Variants in FDFT1 observed in about 807,000 individuals in gnomAD.
FDFT1 encodes the protein squalene synthase.
A neutral mutation model predicts 46.8 loss-of-function variants in FDFT1; 68 were observed. The ratio of observed to expected loss-of-function variants is 1.45; its 90% confidence interval spans 1.19 to 1.78. The LOEUF (loss-of-function observed/expected upper bound fraction) is 1.78. FDFT1 is among the 40% of genes most tolerant of loss of function. The pLI, the probability that FDFT1 is intolerant of heterozygous loss-of-function variation, is 0.00. For synonymous variants in FDFT1, 351 were observed against 185.1 expected, an observed-to-expected ratio of 1.90 and a Z score of -7.28; for missense variants, 928 against 524.4, an observed-to-expected ratio of 1.77 and a Z score of -7.52.
intron 7 of FDFT1, among the ~76,000 whole-genome samples, chr8:11,837,562 G>C (rs892055993): frequency 4.7e-4 from 71 of 152,270 alleles, no homozygotes; most frequent in African/African-American, 1.6e-3. Flanking sequence ...TAGAGAGGGA[G>C]GTGGGCAAGG....
intron 1 of FDFT1, chr8:11,808,545 G>A: frequency 2.2e-6 from 3 of 1,361,112 alleles, no homozygotes; most frequent in Non-Finnish European, 2.8e-6. Context: ...CGGCACCAAG[G>A]CCATGGCCCT....
intron 1 of FDFT1, among the ~76,000 whole-genome samples, chr8:11,804,847 G>T (rs1476190750): frequency 2.0e-5 from 3 of 150,560 alleles, no homozygotes; most frequent in Middle Eastern, 3.2e-3. Context: ...GACCTCAAGT[G>T]ATCTGCTCGC....
upstream of FDFT1, chr8:11,798,099 C>G (rs1386022484): frequency 7.6e-6 from 1 of 132,296 alleles, no homozygotes; most frequent in Non-Finnish European, 1.7e-5. Context: ...TTTTTTGAGA[C>G]GGAGTCTCAC....
intron 3 of FDFT1, 116 bp from the exon 4 acceptor site, chr8:11,821,634 G>T: frequency 4.9e-6 from 6 of 1,228,566 alleles, no homozygotes; most frequent in Non-Finnish European, 7.0e-6. Flanking sequence ...CCTAAATTAG[G>T]CTTATAGATG....
chr8:11,832,137 G>C, intron 7 of FDFT1, among the ~76,000 whole-genome samples: 1 of 152,124 alleles, frequency 6.6e-6, no homozygotes, highest in Non-Finnish European at 1.5e-5. Flanking sequence ...GCCAAGGAAA[G>C]CCATCAAGTT....
At chr8:11,825,484 G>A (rs138193679) in intron 4 of FDFT1, among the ~76,000 whole-genome samples, 20 of 149,192 alleles carry the variant, frequency 1.3e-4, no homozygotes, top group African/African-American at 4.7e-4. Flanking sequence ...AGGTTGCAGT[G>A]AGTTGAGATT....
intron 7 of FDFT1, among the ~76,000 whole-genome samples, chr8:11,835,366 C>G (rs1355442586): frequency 6.6e-6 from 1 of 152,114 alleles, no homozygotes; most frequent in Non-Finnish European, 1.5e-5. Context: ...TAGGTAAGTC[C>G]ACGTCTGAGT....
chr8:11,818,241 T>A (rs1338349274), intron 3 of FDFT1, among the ~76,000 whole-genome samples: 1 of 152,248 alleles, frequency 6.6e-6, no homozygotes, highest in Non-Finnish European at 1.5e-5. Flanking sequence ...TGTTGTAATT[T>A]CTGTTCTTTT....
At chr8:11,801,910 C>G (rs1006362025), upstream of FDFT1, 1 of 451,532 alleles carries the variant, frequency 2.2e-6, no homozygotes, top group Non-Finnish European at 4.4e-6. Flanking sequence ...AGGATGGTCT[C>G]GATCTCTTGA....
At chr8:11,809,546 T>G (rs1807404471) in intron 2 of FDFT1, 121 bp from the exon 3 acceptor site, 1 of 1,303,910 alleles carries the variant, frequency 7.7e-7, no homozygotes, top group Admixed American at 3.2e-5. Flanking sequence ...TTGGATATCC[T>G]TATAGTTCTT....
In FDFT1 at chr8:11,838,693, T is replaced by G. The variant is rs1811912410; in HGVS notation, c.*84T>G. 1 of 1,080,082 alleles carries G rather than the reference T, an allele frequency of 9.3e-7. No homozygotes were observed. The highest frequency in any genetic ancestry group is 1.6e-5 in the African/African-American group (1 of 64,022). 66.9% of individuals were successfully genotyped at this position (1,080,082 alleles called of 1,614,324 possible). ...GGATGGATGTTGTGTTCTCTTTATTTTTTTCCTACTACTTTAATCCCTAAA... is the reference window on the plus strand; with the variant it reads ...GGATGGATGTTGTGTTCTCTTTATTGTTTTCCTACTACTTTAATCCCTAAA... On this transcript the variant is annotated 3_prime_UTR_variant, in exon 8 of 8. Transcript: ENST00000220584.
chr8:11,823,538 CCT>C (rs1444240325), intron 4 of FDFT1, among the ~76,000 whole-genome samples: 1 of 152,048 alleles, frequency 6.6e-6, no homozygotes, highest in African/African-American at 2.4e-5. Flanking sequence ...CATTCTTCCC[CCT>C]GATTAGTCTC....
chr8:11,831,532 C>T lies in FDFT1; in HGVS notation c.894C>T (p.Ala298=). Residue 298 remains alanine, a synonymous_variant, in exon 7 of 8, where the codon GCC becomes GCT. Coordinates refer to ENST00000220584, the MANE Select transcript of FDFT1 (RefSeq NM_004462.5). ...GTTGTCTCTAGGTGATGGCCATTGC[C>T]ACTTTGGCTGCCTGTTATAATAACC... ...FCAIPQVMAI[A]TLAACYNNQQ... 1 of 1,614,070 alleles carries T rather than the reference C, an allele frequency of 6.2e-7. No individual in the cohort carries two copies. Among genetic ancestry groups the T allele is most frequent in the South Asian group, 1.1e-5 (1 of 91,076 alleles).
chr8:11,815,487 C>G (rs1808321776), intron 3 of FDFT1, among the ~76,000 whole-genome samples: 1 of 152,218 alleles, frequency 6.6e-6, no homozygotes, highest in South Asian at 2.1e-4. Flanking sequence ...CTCCCACCAA[C>G]AGTGTAAATT....
intron 5 of FDFT1, among the ~76,000 whole-genome samples, chr8:11,828,720 C>G (rs934856561): frequency 1.3e-5 from 2 of 152,240 alleles, no homozygotes; most frequent in African/African-American, 2.4e-5. Context: ...GCATAGAGTG[C>G]TTAGTAAAGG....
intron 1 of FDFT1, among the ~76,000 whole-genome samples, chr8:11,796,259 C>T (rs995587056): frequency 3.3e-5 from 5 of 152,198 alleles, no homozygotes; most frequent in African/African-American, 1.2e-4. Flanking sequence ...GGTTAAGTGA[C>T]TGGACTGTTT....
Position 11,808,789 on chromosome 8 carries a change from CG to C in FDFT1, c.100-4del, listed in dbSNP as rs757548748. 8.1e-6 allele frequency: 13 copies of C among 1,613,474 alleles called. No homozygotes were observed. The South Asian group carries it at 1.4e-4, about 18-fold the overall frequency. ...CCCACCGCCGTGTGTGTTGTCTGCCCGCAGGACTCGCTCAGCAGCAGCCTGA... is the reference window on the plus strand; with the variant it reads ...CCCACCGCCGTGTGTGTTGTCTGCCCCAGGACTCGCTCAGCAGCAGCCTGA... On this transcript the variant is annotated splice_polypyrimidine_tract_variant and splice_region_variant and intron_variant, in intron 1 of 7. Coordinates refer to ENST00000220584, the MANE Select transcript of FDFT1 (RefSeq NM_004462.5).
intron 7 of FDFT1, 151 bp downstream of exon 7, chr8:11,831,821 A>C: frequency 4.3e-6 from 3 of 696,738 alleles, no homozygotes; most frequent in Non-Finnish European, 7.3e-6. Flanking sequence ...TATAAGGAAA[A>C]AAGTCTATTC....
At position 11,826,489 on chromosome 8, in the gene FDFT1, T is replaced by C. The variant is rs13254296; in HGVS notation, c.702+274T>C. Among the ~76,000 whole-genome samples, 612 of 152,314 alleles carry C rather than the reference T, an allele frequency of 4.0e-3. 3 individuals are homozygous for C. The highest frequency in any genetic ancestry group is 6.6e-3 in the Non-Finnish European group (451 of 68,028). On this transcript the variant is annotated intron_variant, in intron 5 of 7. Transcript: ENST00000220584. The stretch of plus-strand genomic sequence containing the variant: ...AAGTGGTGGATATGGTAACAACCCA[T>C]GTGCACTAGCTTAACAAAAAGTTCT...
Sources: allele counts gnomAD v4.1 joint callset (sites outside exome capture counted in the v4.1 genomes callset), GRCh38; gene constraint gnomAD v4.1.1; transcripts MANE v1.5; gene names NCBI Gene and HGNC (gene_info 2026-07-23, HGNC 2026-07-21).